The following NCOR1 variants were observed in gnomAD, a reference collection of about 807,000 sequenced individuals.
NCOR1 encodes nuclear receptor corepressor 1, also known as protein phosphatase 1, regulatory subunit 109.
In NCOR1, 63 loss-of-function variants were observed where a neutral mutation model predicts 288.1. The ratio of observed to expected loss-of-function variants is 0.22; its 90% CI spans 0.18 to 0.27. The LOEUF is 0.27. Ranked by LOEUF, NCOR1 falls within the 10% of genes least tolerant of loss-of-function variation. The pLI is 1.00. For missense variants in NCOR1, 2,397 were observed against 3,019.2 expected (o/e 0.79, Z 4.83); for synonymous variants, 1,007 against 1,065.9 (o/e 0.94, Z 1.08).
At chr17:16,197,709 T>C (rs2090094776) in intron 1 of NCOR1, among the ~76,000 whole-genome samples, 1 of 152,184 alleles carries the variant, frequency 6.6e-6, no homozygotes, top group African/African-American at 2.4e-5. Flanking sequence ...AGATGTTCAG[T>C]GAGAGCACAC....
intron 26 of NCOR1, 25 bp from the exon 27 acceptor site, chr17:16,075,727 G>A (rs747212190): frequency 3.1e-6 from 5 of 1,612,260 alleles, no homozygotes; most frequent in Non-Finnish European, 4.2e-6. Flanking sequence ...AGCATAAATA[G>A]CAGAGGAGTC....
chr17:16,158,530 A>G (rs1179656238), intron 6 of NCOR1, among the ~76,000 whole-genome samples: 1 of 152,240 alleles, frequency 6.6e-6, no homozygotes, highest in Non-Finnish European at 1.5e-5. Context: ...TATAAAATAC[A>G]TAATGTAAAA....
At chr17:16,113,359 A>T (rs1292262177) in intron 18 of NCOR1, among the ~76,000 whole-genome samples, 1 of 152,184 alleles carries the variant, frequency 6.6e-6, no homozygotes, top group African/African-American at 2.4e-5. Context: ...GTGCTTCCAC[A>T]TATGATCTAA....
chr17:16,038,600 CTAATTTTTG>C (rs1265946179), intron 44 of NCOR1, among the ~76,000 whole-genome samples: 1 of 152,078 alleles, frequency 6.6e-6, no homozygotes, highest in Admixed American at 6.6e-5. Context: ...CCACACCCAG[CTAATTTTTG>C]TAATTTTTGT....
chr17:16,101,395 C>T lies in NCOR1; in HGVS notation c.2545G>A (p.Ala849Thr). The change falls in exon 20 of 46, where the codon GCC becomes ACC. Residue 849 changes from alanine to threonine, a missense_variant. Coordinates refer to ENST00000268712, the MANE Select transcript of NCOR1 (RefSeq NM_006311.4). ...DNTKERDLDR[A>T]SEKVEPRDED... is the part of the protein sequence containing the mutation. ...TCTCTAGGTTCCACCTTCTCACTGGCTCTATCCAAGTCTCTTTCTTTGGTA... is the reference window on the plus strand; with the variant it reads ...TCTCTAGGTTCCACCTTCTCACTGGTTCTATCCAAGTCTCTTTCTTTGGTA... The T allele has an allele frequency of 6.2e-7, 1 of 1,614,236 alleles. No individual in the cohort carries two copies. The highest frequency in any genetic ancestry group is 1.3e-5 in the African/African-American group (1 of 75,058).
chr17:16,094,865 T>C (rs1014839755), intron 21 of NCOR1, among the ~76,000 whole-genome samples: 12 of 152,210 alleles, frequency 7.9e-5, no homozygotes, highest in Non-Finnish European at 1.8e-4. Context: ...GTTAACTCAG[T>C]GCTCAATGGT....
intron 1 of NCOR1, among the ~76,000 whole-genome samples, chr17:16,203,413 C>CT (rs1434842113): frequency 6.6e-6 from 1 of 152,100 alleles, no homozygotes; most frequent in Non-Finnish European, 1.5e-5. Flanking sequence ...GGTCTTTGTC[C>CT]TTTACTCTCT....
chr17:16,080,230 A>C, intron 25 of NCOR1, 166 bp from the exon 26 acceptor site: 1 of 777,164 alleles, frequency 1.3e-6, no homozygotes. Flanking sequence ...ATAATACTAA[A>C]GAACTGCTGA....
intron 9 of NCOR1, among the ~76,000 whole-genome samples, chr17:16,148,169 A>G (rs2078284781): frequency 6.6e-6 from 1 of 152,222 alleles, no homozygotes; most frequent in Non-Finnish European, 1.5e-5. Context: ...AACCTCCAGG[A>G]CAGTATACAA....
rs868815860 is a variant in NCOR1 at position 16,093,477 on chromosome 17, T to C, written c.2821-1419A>G. On this transcript the variant is annotated intron_variant, in intron 21 of 45. Transcript: ENST00000268712. ...AAACTGTTTTATTTTTCTGTCTCTC[T>C]GACTTTATGAAGAAAATAACCCAAG... Among the ~76,000 whole-genome samples the C allele has an allele frequency of 1.3e-4, 20 of 152,362 alleles. No individual in the cohort carries two copies. The South Asian group carries it at 1.4e-3, about 11-fold the overall frequency.
chr17:16,189,250 C>T (rs1424447065), intron 2 of NCOR1, among the ~76,000 whole-genome samples: 3 of 151,858 alleles, frequency 2.0e-5, no homozygotes, highest in Non-Finnish European at 4.4e-5. Flanking sequence ...AAAAATTAGC[C>T]AGGCGTGGTG....
chr17:16,174,446 C>T (rs1437688923), intron 3 of NCOR1, among the ~76,000 whole-genome samples: 1 of 152,168 alleles, frequency 6.6e-6, no homozygotes, highest in Non-Finnish European at 1.5e-5. Context: ...CATTTCATTT[C>T]CAGCAACTCT....
At chr17:16,136,028 G>A (rs1201792792) in intron 14 of NCOR1, among the ~76,000 whole-genome samples, 4 of 152,226 alleles carry the variant, frequency 2.6e-5, no homozygotes, top group Non-Finnish European at 4.4e-5. Flanking sequence ...AACTGTGGTG[G>A]TGGCAGTAGC....
intron 14 of NCOR1, among the ~76,000 whole-genome samples, chr17:16,136,901 T>C (rs1451517245): frequency 1.3e-5 from 2 of 151,982 alleles, no homozygotes; most frequent in Non-Finnish European, 2.9e-5. Context: ...TCCAGGTTTT[T>C]GTAAAGAATC....
At chr17:16,037,740 G>A (rs1256532560) in intron 44 of NCOR1, among the ~76,000 whole-genome samples, 2 of 152,238 alleles carry the variant, frequency 1.3e-5, no homozygotes. Flanking sequence ...GACTTGAGCA[G>A]AGGCTCAGCA....
intron 1 of NCOR1, among the ~76,000 whole-genome samples, chr17:16,214,671 C>T (rs751501037): frequency 4.6e-5 from 7 of 152,180 alleles, no homozygotes; most frequent in Non-Finnish European, 8.8e-5. Context: ...CATGACTATT[C>T]CTGATCCAGT....
intron 16 of NCOR1, among the ~76,000 whole-genome samples, 182 bp from the exon 17 acceptor site, chr17:16,119,667 A>C (rs1445185258): frequency 6.6e-6 from 1 of 152,202 alleles, no homozygotes; most frequent in Non-Finnish European, 1.5e-5. Context: ...ACAAGTCAAC[A>C]CTTCAATATT....
chr17:16,188,054 C>G (rs2087105288), intron 2 of NCOR1, among the ~76,000 whole-genome samples: 1 of 152,034 alleles, frequency 6.6e-6, no homozygotes, highest in Non-Finnish European at 1.5e-5. Flanking sequence ...GTCCTGAAAT[C>G]AGGTAGTGGT....
chr17:16,089,253 G>C (rs1202637554), intron 22 of NCOR1, among the ~76,000 whole-genome samples: 1 of 151,936 alleles, frequency 6.6e-6, no homozygotes, highest in African/African-American at 2.4e-5. Flanking sequence ...ACTAGGGTCA[G>C]TTACATAGAA....
Sources: allele counts gnomAD v4.1 joint callset (sites outside exome capture counted in the v4.1 genomes callset), GRCh38; gene constraint gnomAD v4.1.1; transcripts MANE v1.5; gene names NCBI Gene and HGNC (gene_info 2026-07-23, HGNC 2026-07-21).